The following CFAP58 variants were observed in gnomAD, a reference collection of about 807,000 sequenced individuals.
The protein encoded by CFAP58 is cilia- and flagella-associated protein 58.
A neutral mutation model predicts 119.5 loss-of-function variants in CFAP58; 88 were observed. The observed-to-expected ratio is 0.74, with a 90% CI of 0.62 to 0.88. The LOEUF (loss-of-function observed/expected upper bound fraction) is 0.88, where lower values mean the gene tolerates loss of function less well. Ranked by LOEUF, CFAP58 falls within the 40% of genes least tolerant of loss-of-function variation. The pLI is 0.00. For missense variants in CFAP58, 990 were observed against 1,021.2 expected (o/e 0.97, Z 0.42); for synonymous variants, 365 against 366.3 (o/e 1.00, Z 0.04).
intron 1 of CFAP58, among the ~76,000 whole-genome samples, chr10:104,357,515 A>AG (rs1201428653): frequency 2.6e-5 from 4 of 152,142 alleles, no homozygotes; most frequent in African/African-American, 9.7e-5. Context: ...TTGCAGTCTT[A>AG]GGGGCAATAA....
At chr10:104,354,949 C>A (rs1041279283) in intron 1 of CFAP58, among the ~76,000 whole-genome samples, 2 of 151,900 alleles carry the variant, frequency 1.3e-5, no homozygotes, top group Non-Finnish European at 2.9e-5. Context: ...GCACCATTCA[C>A]ATCCCCTCAT....
At chr10:104,396,425 AG>A (rs1564891120) in intron 11 of CFAP58, among the ~76,000 whole-genome samples, 12 of 140,568 alleles carry the variant, frequency 8.5e-5, no homozygotes, top group South Asian at 4.4e-4. Flanking sequence ...AGAGAGAGAG[AG>A]AGAGAGAGAG....
At chr10:104,436,069 C>T (rs1373182500) in intron 15 of CFAP58, among the ~76,000 whole-genome samples, 1 of 152,154 alleles carries the variant, frequency 6.6e-6, no homozygotes, top group Admixed American at 6.5e-5. Context: ...TGCTTCCAAC[C>T]TCTTTTTTCC....
At chr10:104,358,114 T>C (rs1335155290) in intron 1 of CFAP58, among the ~76,000 whole-genome samples, 1 of 150,468 alleles carries the variant, frequency 6.6e-6, no homozygotes, top group East Asian at 2.0e-4. Flanking sequence ...TATATACACA[T>C]ATATATGTAC....
intron 11 of CFAP58, among the ~76,000 whole-genome samples, chr10:104,396,356 G>A (rs540575168): frequency 7.0e-6 from 1 of 142,206 alleles, no homozygotes; most frequent in Non-Finnish European, 1.5e-5. Flanking sequence ...CATGGATAGG[G>A]AGCTGTTATC....
At chr10:104,353,788 G>C, upstream of CFAP58, 1 of 1,371,044 alleles carries the variant, frequency 7.3e-7, no homozygotes, top group Non-Finnish European at 1.0e-6. Flanking sequence ...TTTCCGCTCG[G>C]GGCGGGCGAT....
the CFAP58 span, among the ~76,000 whole-genome samples, chr10:104,338,701 G>A: frequency 6.6e-6 from 1 of 152,170 alleles, no homozygotes; most frequent in Admixed American, 6.5e-5. Flanking sequence ...AGGGGCGCGG[G>A]GAGGACGCCC....
chr10:104,345,397 C>G, the CFAP58 span, among the ~76,000 whole-genome samples: 1 of 151,984 alleles, frequency 6.6e-6, no homozygotes, highest in African/African-American at 2.4e-5. Flanking sequence ...TTGGTGTGTA[C>G]TTGGAAGTAA....
chr10:104,436,644 G>A (rs796746070), intron 15 of CFAP58, among the ~76,000 whole-genome samples: 1 of 152,232 alleles, frequency 6.6e-6, no homozygotes, highest in African/African-American at 2.4e-5. Flanking sequence ...CAAGCCATGA[G>A]GGATCCACCA....
upstream of CFAP58, among the ~76,000 whole-genome samples, chr10:104,350,797 C>G (rs192052226): frequency 2.6e-5 from 4 of 152,312 alleles, no homozygotes; most frequent in Admixed American, 1.3e-4. Context: ...CCATAGTCAC[C>G]TTGGTGCTTC....
At chr10:104,420,534 G>C (rs746098192) in intron 15 of CFAP58, among the ~76,000 whole-genome samples, 12 of 152,024 alleles carry the variant, frequency 7.9e-5, no homozygotes, top group Non-Finnish European at 1.5e-4. Flanking sequence ...CTACCTATCA[G>C]ATACTATGCT....
intron 15 of CFAP58, among the ~76,000 whole-genome samples, chr10:104,433,628 T>C (rs1246205332): frequency 2.0e-5 from 3 of 152,222 alleles, no homozygotes; most frequent in Non-Finnish European, 4.4e-5. Flanking sequence ...CTCTCTGCTC[T>C]GAGCCCATCC....
intron 15 of CFAP58, among the ~76,000 whole-genome samples, chr10:104,430,370 G>T (rs746942556): frequency 6.6e-6 from 1 of 152,136 alleles, no homozygotes; most frequent in Non-Finnish European, 1.5e-5. Flanking sequence ...GATAGTCCAC[G>T]GGGCAACAGA....
At chr10:104,341,056 C>G in the CFAP58 span, among the ~76,000 whole-genome samples, 2 of 152,170 alleles carry the variant, frequency 1.3e-5, no homozygotes, top group Non-Finnish European at 2.9e-5. Flanking sequence ...TACCCACGTG[C>G]TGAGGGAATC....
Position 104,447,155 on chromosome 10 carries a change from A to G in CFAP58, c.2257-543A>G, listed in dbSNP as rs573006950. On this transcript the variant is annotated intron_variant, in intron 15 of 17. Transcript: ENST00000369704. Reference sequence around the variant, plus strand: ...CAGGCATGCACCAAAATGTCTGGCTAATTTTTGTATTTTTCTTTTTTTCCT... The same window carrying G: ...CAGGCATGCACCAAAATGTCTGGCTGATTTTTGTATTTTTCTTTTTTTCCT... 4.4e-4 allele frequency among the ~76,000 whole-genome samples: 66 copies of G among 150,518 alleles called. No homozygotes were observed. In the South Asian group the frequency reaches 0.011, roughly 26 times the overall value.
intron 9 of CFAP58, among the ~76,000 whole-genome samples, chr10:104,386,781 T>C (rs1485315382): frequency 1.3e-5 from 2 of 152,254 alleles, no homozygotes; most frequent in African/African-American, 2.4e-5. Flanking sequence ...GGCTCACTTT[T>C]AAGTATCTGT....
At chr10:104,348,096 C>A in the CFAP58 span, among the ~76,000 whole-genome samples, 2 of 150,922 alleles carry the variant, frequency 1.3e-5, no homozygotes, top group East Asian at 3.8e-4. Flanking sequence ...CAGCTGTGGC[C>A]CTGGGGAGGT....
the CFAP58 span, among the ~76,000 whole-genome samples, chr10:104,342,844 C>CAAAAAAA: frequency 1.0e-4 from 5 of 48,496 alleles, no homozygotes; most frequent in African/African-American, 3.2e-4. Flanking sequence ...GACCCTGTAT[C>CAAAAAAA]AAAAAAAAAA....
chr10:104,391,651 G>T (rs1158009176), intron 9 of CFAP58, among the ~76,000 whole-genome samples: 4 of 152,160 alleles, frequency 2.6e-5, no homozygotes. Context: ...CAAAAATGAG[G>T]CAGTAGTTCT....
Sources: gnomAD v4.1 joint callset for allele counts (sites outside exome capture counted in the v4.1 genomes callset) on GRCh38, gnomAD v4.1.1 for gene constraint, MANE v1.5 for transcripts, NCBI Gene and HGNC (gene_info 2026-07-23, HGNC 2026-07-21) for gene names.